Variants in CNOT1 observed in about 807,000 individuals in gnomAD.
CNOT1 encodes CCR4-associated factor 1.
CNOT1 carries 15 observed loss-of-function variants against 273.8 expected under a neutral mutation model. That is an observed-to-expected ratio of 0.05 (90% CI 0.04 to 0.08). CNOT1 has a LOEUF of 0.08. Among genes scored for constraint, CNOT1 ranks in the 10% least tolerant of loss-of-function variants. The pLI, the probability that CNOT1 is intolerant of heterozygous loss-of-function variation, is 1.00. For missense variants in CNOT1, 1,644 were observed against 2,912.2 expected (o/e 0.56, Z 10.02); for synonymous variants, 1,022 against 1,005.5 (o/e 1.02, Z -0.31).
Position 58,583,052 on chromosome 16 carries a change from A to G in CNOT1, c.933+4T>C. On this transcript the variant is annotated splice_donor_region_variant and intron_variant, in intron 9 of 48. Transcript: ENST00000317147. ...ACTTGGTAAAATAGCTGAATTCAAC[A>G]CACCTGTAATGGAATGCCATCTGTT... is the stretch of plus-strand genomic sequence containing the variant. The G allele has an allele frequency of 1.9e-6, 3 of 1,613,924 alleles. No homozygotes were observed. The highest frequency in any genetic ancestry group is 2.5e-6 in the Non-Finnish European group (3 of 1,179,982).
At chr16:58,611,119 AG>A (rs2042882465) in intron 1 of CNOT1, among the ~76,000 whole-genome samples, 1 of 152,022 alleles carries the variant, frequency 6.6e-6, no homozygotes, top group African/African-American at 2.4e-5. Flanking sequence ...AAAGGAGTAC[AG>A]GCTGTCTATT....
intron 4 of CNOT1, 69 bp downstream of exon 4, chr16:58,587,711 T>C (rs2041921232): frequency 2.6e-6 from 4 of 1,515,464 alleles, no homozygotes; most frequent in Non-Finnish European, 3.6e-6. Flanking sequence ...CATTATGAGA[T>C]CAAGGCTTAG....
chr16:58,620,369 G>A (rs936646618), intron 1 of CNOT1, among the ~76,000 whole-genome samples: 6 of 152,086 alleles, frequency 3.9e-5, no homozygotes, highest in Non-Finnish European at 7.3e-5. Flanking sequence ...GGCTGGGTGC[G>A]GTGGCTCAAA....
rs757079303 is a variant in CNOT1 at position 58,538,927 on chromosome 16, G to C, written c.4993-13C>G. ...AGCCCTCTACAGCCTATGGGAGAAAGAAAGCGTTCAAAACCATGAAAAATA... is the reference window on the plus strand; with the variant it reads ...AGCCCTCTACAGCCTATGGGAGAAACAAAGCGTTCAAAACCATGAAAAATA... On this transcript the variant is annotated splice_polypyrimidine_tract_variant and intron_variant, in intron 35 of 48. Transcript: ENST00000317147. 1 of 1,608,366 alleles carries C rather than the reference G, an allele frequency of 6.2e-7. No individual in the cohort carries two copies. The highest frequency in any genetic ancestry group is 1.1e-5 in the South Asian group (1 of 90,712).
In CNOT1 at chr16:58,523,357, G is replaced by A; in HGVS notation, c.6917+13C>T. On this transcript the variant is annotated intron_variant, in intron 47 of 48. Transcript: ENST00000317147. ...TCCTTTTGAAGCATTTAAAAAATAA[G>A]CTGCTCGCTTACCTTGTGATCTGTT... 1 of 1,561,092 alleles carries A rather than the reference G, an allele frequency of 6.4e-7. No individual in the cohort carries two copies. Among genetic ancestry groups the A allele is most frequent in the Non-Finnish European group, 8.7e-7 (1 of 1,154,004 alleles).
intron 1 of CNOT1, among the ~76,000 whole-genome samples, chr16:58,599,957 G>C (rs745880725): frequency 2.0e-4 from 31 of 152,024 alleles, no homozygotes; most frequent in Non-Finnish European, 4.3e-4. Flanking sequence ...CAGCTACCCA[G>C]GAGGCTGAGG....
In CNOT1 at chr16:58,520,759, A is replaced by G. The variant is rs945184654; in HGVS notation, c.*199T>C. 6 of 587,286 alleles carry G rather than the reference A, an allele frequency of 1.0e-5. No individual in the cohort carries two copies. Among genetic ancestry groups the G allele is most frequent in the African/African-American group, 9.3e-5 (5 of 53,736 alleles). 36.4% of individuals were successfully genotyped at this position (587,286 alleles called of 1,614,324 possible). ...TCACAGCATCTTCTAAATTTTGGCCAAGAGTCAAAAAAATGCATTTAAACT... is the reference window on the plus strand; with the variant it reads ...TCACAGCATCTTCTAAATTTTGGCCGAGAGTCAAAAAAATGCATTTAAACT... On this transcript the variant is annotated 3_prime_UTR_variant, in exon 49 of 49. Coordinates refer to ENST00000317147, the MANE Select transcript of CNOT1 (RefSeq NM_016284.5).
chr16:58,545,984 C>A (rs2040247064), intron 29 of CNOT1, among the ~76,000 whole-genome samples: 1 of 152,162 alleles, frequency 6.6e-6, no homozygotes. Context: ...TCTGGCCATA[C>A]CCAGATTTGA....
chr16:58,531,057 G>GC (rs2039764879), intron 42 of CNOT1, among the ~76,000 whole-genome samples: 1 of 152,128 alleles, frequency 6.6e-6, no homozygotes, highest in African/African-American at 2.4e-5. Flanking sequence ...CTCTCTTCCA[G>GC]CTCAACTCTT....
chr16:58,587,632 C>T, intron 4 of CNOT1, 148 bp downstream of exon 4: 1 of 1,101,234 alleles, frequency 9.1e-7, no homozygotes, highest in Non-Finnish European at 1.3e-6. Context: ...AATGAACTGC[C>T]TTGATTTTGT....
rs1196428289 is a variant in CNOT1, at chr16:58,614,070, C to T, written c.-174-14559G>A. Among the ~76,000 whole-genome samples, 4 of 95,696 alleles carry T rather than the reference C, an allele frequency of 4.2e-5. 1 individual carries two copies. The highest frequency in any genetic ancestry group is 9.1e-5 in the Non-Finnish European group (4 of 43,832). The allele number at this position is 95,696 out of a possible 152,430, so 62.8% of individuals were successfully genotyped here. Reference sequence around the variant, plus strand: ...TCGCGCCACTGCACTCCAGCCTGGGCGACAGGGCGAGACACTGTCTCAAAA... The same window carrying T: ...TCGCGCCACTGCACTCCAGCCTGGGTGACAGGGCGAGACACTGTCTCAAAA... On this transcript the variant is annotated intron_variant, in intron 1 of 48. Coordinates refer to ENST00000317147, the MANE Select transcript of CNOT1 (RefSeq NM_016284.5).
chr16:58,628,820 A>G (rs1213769452), intron 1 of CNOT1, among the ~76,000 whole-genome samples: 1 of 152,250 alleles, frequency 6.6e-6, no homozygotes, highest in Non-Finnish European at 1.5e-5. Flanking sequence ...TTTTTAATCT[A>G]CAAAGCTTAC....
At chr16:58,606,638 A>T (rs571351317) in intron 1 of CNOT1, among the ~76,000 whole-genome samples, 2 of 152,162 alleles carry the variant, frequency 1.3e-5, no homozygotes, top group African/African-American at 4.8e-5. Context: ...CCCTGTCTCT[A>T]CTAAATATAC....
intron 12 of CNOT1, among the ~76,000 whole-genome samples, chr16:58,579,339 G>C (rs11860087): frequency 6.6e-6 from 1 of 151,970 alleles, no homozygotes; most frequent in Non-Finnish European, 1.5e-5. Context: ...TATGGACTGC[G>C]TCTGGATTCT....
intron 16 of CNOT1, among the ~76,000 whole-genome samples, chr16:58,574,042 G>C (rs757474785): frequency 4.9e-4 from 75 of 151,936 alleles, no homozygotes; most frequent in Admixed American, 1.0e-3. Flanking sequence ...CTTGAGCCCG[G>C]GAGTTTGAGA....
In CNOT1 at chr16:58,520,441, A is replaced by G. The variant is rs2039330306; in HGVS notation, c.*517T>C. 1 of 159,824 alleles carries G rather than the reference A, an allele frequency of 6.3e-6. No individual in the cohort carries two copies. The highest frequency in any genetic ancestry group is 2.4e-5 in the African/African-American group (1 of 41,562). 9.9% of individuals were successfully genotyped at this position (159,824 alleles called of 1,614,324 possible). ...GTGAGCCCTTCCCATGTTCCTGGAC[A>G]TATCCAATTCTAGCACATCCACATT... is the stretch of plus-strand genomic sequence containing the variant. On this transcript the variant is annotated 3_prime_UTR_variant, in exon 49 of 49. Coordinates refer to ENST00000317147, the MANE Select transcript of CNOT1 (RefSeq NM_016284.5).
chr16:58,582,740 G>T, intron 10 of CNOT1, 53 bp downstream of exon 10: 1 of 1,071,060 alleles, frequency 9.3e-7, no homozygotes, highest in Non-Finnish European at 1.4e-6. Context: ...TGCTTTCTTT[G>T]GACTATATCA....
intron 1 of CNOT1, among the ~76,000 whole-genome samples, chr16:58,622,744 G>A (rs776783592): frequency 5.3e-5 from 8 of 151,700 alleles, no homozygotes; most frequent in Non-Finnish European, 8.8e-5. Flanking sequence ...CTACTCGGGA[G>A]GCTGAGGCAG....
At chr16:58,557,958 C>A (rs1442172638) in intron 18 of CNOT1, among the ~76,000 whole-genome samples, 1 of 152,096 alleles carries the variant, frequency 6.6e-6, no homozygotes, top group Non-Finnish European at 1.5e-5. Flanking sequence ...CCACTGCACT[C>A]CAGCCTGGGC....
Sources: allele counts gnomAD v4.1 joint callset (sites outside exome capture counted in the v4.1 genomes callset), GRCh38; gene constraint gnomAD v4.1.1; transcripts MANE v1.5; gene names NCBI Gene and HGNC (gene_info 2026-07-23, HGNC 2026-07-21).